ST18: variants seen among roughly 807,000 people sequenced by gnomAD.
ST18 encodes ST18 C2H2C-type zinc finger transcription factor.
A neutral mutation model predicts 110.0 loss-of-function variants in ST18; 50 were observed. The observed-to-expected ratio is 0.45, with a 90% CI of 0.36 to 0.58. ST18 has a LOEUF of 0.58. Ranked by LOEUF, ST18 falls within the 20% of genes least tolerant of loss-of-function variation. The probability of loss-of-function intolerance (pLI) is 0.00; values close to 1 mark genes in which losing one functional copy is unlikely to be tolerated. For synonymous variants in ST18, 461 were observed against 452.4 expected, an observed-to-expected ratio of 1.02 and a Z score of -0.24; for missense variants, 1,306 against 1,280.1, an observed-to-expected ratio of 1.02 and a Z score of -0.31.
intron 8 of ST18, among the ~76,000 whole-genome samples, chr8:52,197,889 G>GCACACACACACA (rs57662247): frequency 2.0e-5 from 3 of 150,262 alleles, no homozygotes; most frequent in Admixed American, 1.3e-4. Flanking sequence ...AACAAAATGA[G>GCACACACACACA]CACACACACA....
chr8:52,390,171 G>C (rs1165343722), intron 2 of ST18, among the ~76,000 whole-genome samples: 1 of 152,136 alleles, frequency 6.6e-6, no homozygotes, highest in African/African-American at 2.4e-5. Context: ...CAGATTGTTT[G>C]AACTCTGATG....
chr8:52,303,725 A>C (rs1193399188), intron 2 of ST18, among the ~76,000 whole-genome samples: 3 of 152,244 alleles, frequency 2.0e-5, no homozygotes, highest in Non-Finnish European at 4.4e-5. Flanking sequence ...CTATGAAATG[A>C]TCCATAGTGT....
intron 2 of ST18, among the ~76,000 whole-genome samples, chr8:52,273,578 G>T (rs1484521482): frequency 6.6e-6 from 1 of 152,144 alleles, no homozygotes; most frequent in Non-Finnish European, 1.5e-5. Context: ...CAGCTTAAAA[G>T]TATACAAGGA....
rs1158004429 is a variant in ST18 at position 52,112,172 on chromosome 8, C to A, written c.*1026G>T. On this transcript the variant is annotated 3_prime_UTR_variant, in exon 26 of 26. Coordinates refer to ENST00000689386, the MANE Select transcript of ST18 (RefSeq NM_001352837.2). ...ACTATATTTTCCATTCCTTTCCAGT[C>A]AACCCAGTAAGATAAATGCTATTTC... The A allele has an allele frequency of 1.3e-5, 2 of 152,570 alleles. No individual in the cohort carries two copies. The highest frequency in any genetic ancestry group is 4.8e-5 in the African/African-American group (2 of 41,424). 9.5% of individuals were successfully genotyped at this position (152,570 alleles called of 1,614,324 possible).
At position 52,284,098 on chromosome 8, in the gene ST18, C is replaced by T. The variant is rs536118831; in HGVS notation, c.-464-54021G>A. 7.2e-5 allele frequency among the ~76,000 whole-genome samples: 11 copies of T among 152,198 alleles called. No individual in the cohort carries two copies. The South Asian group carries it at 2.3e-3, about 32-fold the overall frequency. ...GATTTAACCAAGACTGGAATTTTGT[C>T]AAGAAAGCGAGATGACGCAAGTGAG... On this transcript the variant is annotated intron_variant, in intron 2 of 25. Transcript: ENST00000689386.
chr8:52,285,039 G>C (rs2095445521), intron 2 of ST18, among the ~76,000 whole-genome samples: 1 of 152,184 alleles, frequency 6.6e-6, no homozygotes, highest in Admixed American at 6.5e-5. Flanking sequence ...TCAAAATGGA[G>C]CATGCTAACT....
chr8:52,156,097 C>T (rs114651810), intron 15 of ST18, among the ~76,000 whole-genome samples: 1,736 of 152,294 alleles, frequency 0.011, 44 homozygotes, highest in African/African-American at 0.04. Context: ...TGAAAGGAAG[C>T]TCACCTCTTC....
chr8:52,353,324 A>G (rs149878232), intron 2 of ST18, among the ~76,000 whole-genome samples: 1 of 152,256 alleles, frequency 6.6e-6, no homozygotes, highest in African/African-American at 2.4e-5. Flanking sequence ...CACTATAAAT[A>G]AATTATTTTA....
At chr8:52,377,207 T>C (rs1832749942) in intron 2 of ST18, among the ~76,000 whole-genome samples, 2 of 152,180 alleles carry the variant, frequency 1.3e-5, no homozygotes, top group South Asian at 2.1e-4. Context: ...AAAATAATTA[T>C]ATTACCTAAA....
intron 3 of ST18, among the ~76,000 whole-genome samples, chr8:52,222,754 C>A (rs2136444399): frequency 6.6e-6 from 1 of 152,316 alleles, no homozygotes; most frequent in South Asian, 2.1e-4. Context: ...CTTTAAAAAA[C>A]CATTTTTCTT....
At chr8:52,145,120 G>T (rs2056802470) in intron 16 of ST18, among the ~76,000 whole-genome samples, 1 of 151,196 alleles carries the variant, frequency 6.6e-6, no homozygotes, top group Non-Finnish European at 1.5e-5. Flanking sequence ...TTATGGCAAA[G>T]TTATGAACAA....
chr8:52,320,855 T>A (rs2139896370), intron 2 of ST18, among the ~76,000 whole-genome samples: 2 of 152,310 alleles, frequency 1.3e-5, no homozygotes, highest in South Asian at 4.1e-4. Flanking sequence ...CTTTAGACTG[T>A]GTATGAGGAT....
chr8:52,329,521 G>A (rs58993111), intron 2 of ST18, among the ~76,000 whole-genome samples: 4,561 of 152,214 alleles, frequency 0.03, 140 homozygotes, highest in Admixed American at 0.075. Flanking sequence ...TTGGGAGACC[G>A]AGGCAGGTGG....
chr8:52,287,740 G>C (rs761651178), intron 2 of ST18, among the ~76,000 whole-genome samples: 1 of 152,146 alleles, frequency 6.6e-6, no homozygotes, highest in East Asian at 1.9e-4. Context: ...AAGTTTTTCC[G>C]CTCACCCAGC....
intron 23 of ST18, among the ~76,000 whole-genome samples, chr8:52,123,509 GC>G (rs949366386): frequency 1.3e-5 from 2 of 152,132 alleles, no homozygotes; most frequent in Admixed American, 6.6e-5. Flanking sequence ...AATCCAGGTG[GC>G]CTTTTTCTCA....
intron 2 of ST18, among the ~76,000 whole-genome samples, chr8:52,322,167 G>A (rs190922938): frequency 9.8e-5 from 15 of 152,324 alleles, no homozygotes; most frequent in Admixed American, 6.5e-4. Flanking sequence ...TGAGAGAAAA[G>A]CATGAAGCTG....
intron 8 of ST18, among the ~76,000 whole-genome samples, chr8:52,207,336 A>C (rs955087446): frequency 6.6e-6 from 1 of 152,038 alleles, no homozygotes; most frequent in African/African-American, 2.4e-5. Context: ...ACAGAAAATA[A>C]ACAAAATTAG....
rs183180209 is a variant in ST18, at chr8:52,372,662, G to A, written c.-465+36666C>T. ...TTTAGATACAAATAGTTACCATTGG[G>A]TTCCAACTGCCTACAGTAGCATGCT... On this transcript the variant is annotated intron_variant, in intron 2 of 25. Transcript: ENST00000689386. Among the ~76,000 whole-genome samples the A allele has an allele frequency of 8.5e-5, 13 of 152,254 alleles. No individual in the cohort carries two copies. In the East Asian group the frequency reaches 1.5e-3, roughly 18 times the overall value.
At chr8:52,278,358 G>A (rs1445703154) in intron 2 of ST18, among the ~76,000 whole-genome samples, 1 of 152,170 alleles carries the variant, frequency 6.6e-6, no homozygotes, top group African/African-American at 2.4e-5. Context: ...TGAATATACA[G>A]AATATTTTTA....
Sources: gnomAD v4.1 joint callset for allele counts (sites outside exome capture counted in the v4.1 genomes callset) on GRCh38, gnomAD v4.1.1 for gene constraint, MANE v1.5 for transcripts, NCBI Gene and HGNC (gene_info 2026-07-23, HGNC 2026-07-21) for gene names.